The following AR variants were observed in gnomAD, a reference collection of about 807,000 sequenced individuals.
AR encodes dihydrotestosterone receptor.
In AR, 8 loss-of-function variants were observed where a neutral mutation model predicts 53.9. That is an observed-to-expected ratio of 0.15 (90% CI 0.09 to 0.27). The LOEUF is 0.27. Ranked by LOEUF, AR falls within the 10% of genes least tolerant of loss-of-function variation. The pLI, the probability that AR is intolerant of heterozygous loss-of-function variation, is 1.00. For missense variants in AR, 639 were observed against 742.5 expected (o/e 0.86, Z 1.62); for synonymous variants, 359 against 316.4 (o/e 1.13, Z -1.43).
intron 1 of AR, among the ~76,000 whole-genome samples, chrX:67,630,541 ATG>A (rs1317400186): frequency 2.7e-5 from 3 of 110,393 alleles, no homozygotes; most frequent in Non-Finnish European, 5.7e-5. Flanking sequence ...GTCTCTGCAT[ATG>A]AGATGGGTTT....
intron 2 of AR, among the ~76,000 whole-genome samples, chrX:67,650,050 C>A (rs182757557): frequency 2.7e-3 from 301 of 111,569 alleles, no homozygotes; most frequent in South Asian, 6.1e-3. Context: ...CTGCTCAAGG[C>A]AATAAGAGAG....
chrX:67,727,056 A>C lies in AR; in HGVS notation c.*3215A>C. On this transcript the variant is annotated 3_prime_UTR_variant, in exon 8 of 8. Coordinates refer to ENST00000374690, the MANE Select transcript of AR (RefSeq NM_000044.6). ...CAGCTGCCAGGATCACGAACTCTGT[A>C]GTCAAAGAAAAGAGTCGTGTGGCAG... 1 of 172,877 alleles carries C rather than the reference A, an allele frequency of 5.8e-6. No individual in the cohort carries two copies. Among genetic ancestry groups the C allele is most frequent in the Non-Finnish European group, 1.1e-5 (1 of 90,101 alleles). The allele number at this position is 172,877 out of a possible 1,213,427, so 14.2% of individuals were successfully genotyped here.
At chrX:67,620,202 A>G (rs149398989) in intron 1 of AR, among the ~76,000 whole-genome samples, 1,311 of 110,084 alleles carry the variant, frequency 0.012, 15 homozygotes, top group Non-Finnish European at 0.02. Flanking sequence ...TTCTTAAGCT[A>G]TATCATCTGT....
At chrX:67,593,333 G>A (rs1602178142) in intron 1 of AR, among the ~76,000 whole-genome samples, 1 of 109,458 alleles carries the variant, frequency 9.1e-6, no homozygotes, top group East Asian at 2.8e-4. Context: ...CAGTAATTCA[G>A]TAATAAGTTT....
At chrX:67,574,968 CT>C (rs1409078567) in intron 1 of AR, among the ~76,000 whole-genome samples, 1 of 111,428 alleles carries the variant, frequency 9.0e-6, no homozygotes, top group East Asian at 2.9e-4. Context: ...AGCCAATTTT[CT>C]TTTTTTCCGG....
chrX:67,586,690 G>A (rs745532907), intron 1 of AR, among the ~76,000 whole-genome samples: 6 of 112,065 alleles, frequency 5.4e-5, no homozygotes, highest in Admixed American at 1.9e-4. Flanking sequence ...GAGGTTAGAC[G>A]GTTGGTAGGT....
intron 1 of AR, among the ~76,000 whole-genome samples, chrX:67,547,303 T>C (rs186136022): frequency 1.8e-5 from 2 of 111,779 alleles, no homozygotes; most frequent in African/African-American, 6.5e-5. Context: ...CTCTGGGTGC[T>C]GAGGTCTGCT....
rs912939378 is a variant in AR at position 67,703,941 on chromosome X, C to T, written c.1886-7461C>T. On this transcript the variant is annotated intron_variant, in intron 3 of 7. Transcript: ENST00000374690. ...ATAGTTTGCTGAGAATGATGGTTTC[C>T]AGCTTCATCCATGTCCCTACAAAGG... 4.4e-4 allele frequency among the ~76,000 whole-genome samples: 49 copies of T among 111,425 alleles called. 1 individual carries two copies. The highest frequency in any genetic ancestry group is 1.5e-3 in the African/African-American group (47 of 30,671).
At chrX:67,560,497 T>C (rs964957128) in intron 1 of AR, among the ~76,000 whole-genome samples, 1 of 112,119 alleles carries the variant, frequency 8.9e-6, no homozygotes, top group Non-Finnish European at 1.9e-5. Context: ...GTCTTATTTT[T>C]TCCCTATTCT....
At chrX:67,608,304 G>T (rs912334939) in intron 1 of AR, among the ~76,000 whole-genome samples, 1 of 111,977 alleles carries the variant, frequency 8.9e-6, no homozygotes, top group Admixed American at 9.5e-5. Flanking sequence ...GGCCTTGAAT[G>T]TCCTTCTATC....
intron 2 of AR, 50 bp downstream of exon 2, chrX:67,643,457 C>CAGAG: frequency 8.6e-7 from 1 of 1,157,220 alleles, no homozygotes; most frequent in Non-Finnish European, 1.2e-6. Flanking sequence ...CTTTACCTTC[C>CAGAG]AGAGAGAGAC....
At chrX:67,669,895 C>A (rs1393534878) in intron 2 of AR, among the ~76,000 whole-genome samples, 1 of 108,541 alleles carries the variant, frequency 9.2e-6, no homozygotes, top group African/African-American at 3.3e-5. Flanking sequence ...CATGAAATAT[C>A]TTTTTCATTC....
intron 1 of AR, chrX:67,569,074 T>G (rs1438078353): frequency 2.1e-5 from 24 of 1,166,297 alleles, no homozygotes; most frequent in Non-Finnish European, 2.4e-5. Context: ...GGGTAGTGAG[T>G]GTTGTAAGGT....
chrX:67,604,914 A>T (rs1923559363), intron 1 of AR, among the ~76,000 whole-genome samples: 1 of 111,950 alleles, frequency 8.9e-6, no homozygotes, highest in African/African-American at 3.2e-5. Context: ...CATTTACCTG[A>T]AGAATAAGAG....
intron 2 of AR, 120 bp from the exon 3 acceptor site, chrX:67,685,890 G>A (rs1015325218): frequency 3.4e-5 from 36 of 1,056,111 alleles, no homozygotes; most frequent in Non-Finnish European, 4.5e-5. Context: ...GCCATACTCT[G>A]TCCACTTTTT....
At chrX:67,696,272 A>C (rs995071279) in intron 3 of AR, among the ~76,000 whole-genome samples, 1 of 110,651 alleles carries the variant, frequency 9.0e-6, no homozygotes, top group Admixed American at 9.7e-5. Context: ...CTCTAAAATC[A>C]TGTAGTTACT....
chrX:67,648,949 C>T (rs1439662460), intron 2 of AR, among the ~76,000 whole-genome samples: 1 of 111,392 alleles, frequency 9.0e-6, no homozygotes, highest in Non-Finnish European at 1.9e-5. Flanking sequence ...TAGGTATACA[C>T]GTGCCGTGGT....
chrX:67,630,585 C>G lies in AR; in HGVS notation c.1617-12671C>G, dbSNP rs1407922572. Among the ~76,000 whole-genome samples, 14 of 111,121 alleles carry G rather than the reference C, an allele frequency of 1.3e-4. 1 individual carries two copies. The highest frequency in any genetic ancestry group is 1.2e-3 in the Admixed American group (12 of 10,434). ...TACAGCACACTGATGGGTCTTGACT[C>G]TTTATCCAATTTGCCAGTCTGTGTC... On this transcript the variant is annotated intron_variant, in intron 1 of 7. Coordinates refer to ENST00000374690, the MANE Select transcript of AR (RefSeq NM_000044.6).
Position 67,644,190 on chromosome X carries a change from T to C in AR, c.1768+783T>C, listed in dbSNP as rs752222367. 6.2e-5 allele frequency among the ~76,000 whole-genome samples: 7 copies of C among 112,037 alleles called. 1 individual carries two copies. Among genetic ancestry groups the C allele is most frequent in the African/African-American group, 1.9e-4 (6 of 30,883 alleles). ...TAGAAACTCCCATTTTCAGGCCTCT[T>C]ATATACGGTAATGTCTCCTTCCTCT... On this transcript the variant is annotated intron_variant, in intron 2 of 7. Transcript: ENST00000374690.
Sources: allele counts gnomAD v4.1 joint callset (sites outside exome capture counted in the v4.1 genomes callset), GRCh38; gene constraint gnomAD v4.1.1; transcripts MANE v1.5; gene names NCBI Gene and HGNC (gene_info 2026-07-23, HGNC 2026-07-21).